The following OPA3 variants were observed in gnomAD, a reference collection of about 807,000 sequenced individuals.
OPA3 encodes optic atrophy 3 protein.
Under a neutral mutation model 4.0 loss-of-function variants are expected in OPA3, and 6 were observed. The ratio of observed to expected loss-of-function variants is 1.51; its 90% confidence interval spans 0.83 to 2.99. The LOEUF (loss-of-function observed/expected upper bound fraction) is 2.99. OPA3 is among the 30% of genes most tolerant of loss of function. The pLI is 0.00. For synonymous variants in OPA3, 105 were observed against 117.1 expected, an observed-to-expected ratio of 0.90 and a Z score of 0.67; for missense variants, 235 against 256.2, an observed-to-expected ratio of 0.92 and a Z score of 0.56.
rs1055911296 is a variant in OPA3, at chr19:45,554,131, G to A, written c.143-220C>T. The stretch of plus-strand genomic sequence containing the variant: ...AAGAGGGACACCAGGAGCTTCCACA[G>A]CGCCAAGTTCATGGACGGTGTAAAG... On this transcript the variant is annotated intron_variant, in intron 1 of 1. Coordinates refer to ENST00000263275, the MANE Select transcript of OPA3 (RefSeq NM_025136.4). 7.9e-5 allele frequency among the ~76,000 whole-genome samples: 12 copies of A among 152,334 alleles called. 1 individual carries two copies. Among genetic ancestry groups the A allele is most frequent in the South Asian group, 6.2e-4 (3 of 4,826 alleles).
At chr19:45,554,844 G>A (rs1969396871) in intron 1 of OPA3, among the ~76,000 whole-genome samples, 1 of 152,222 alleles carries the variant, frequency 6.6e-6, no homozygotes, top group Admixed American at 6.5e-5. Flanking sequence ...AGGCTGGAGT[G>A]CAGTGGCACA....
At chr19:45,533,026 G>A (rs1342572157) in intron 1 of OPA3, among the ~76,000 whole-genome samples, 3 of 150,332 alleles carry the variant, frequency 2.0e-5, no homozygotes, top group Non-Finnish European at 4.4e-5. Flanking sequence ...CGAGTAGCTG[G>A]GATTACAGGC....
At chr19:45,541,810 C>T (rs562280868), downstream of OPA3, among the ~76,000 whole-genome samples, 1 of 152,290 alleles carries the variant, frequency 6.6e-6, no homozygotes, top group African/African-American at 2.4e-5. Flanking sequence ...AGCGATCCTC[C>T]CACCTTGGCC....
At chr19:45,581,797 T>TTTTG (rs1198071262) in intron 1 of OPA3, among the ~76,000 whole-genome samples, 2 of 151,872 alleles carry the variant, frequency 1.3e-5, no homozygotes, top group African/African-American at 4.8e-5. Flanking sequence ...CGGGAGGGTG[T>TTTTG]TTTGTTTGTT....
rs141966402 is a variant in OPA3 at position 45,565,205 on chromosome 19, G to C, written c.143-11294C>G. ...GCCGAGATGGTGCCACTGCACTCCA[G>C]CCTGGTGATAGAGCAAGACTCCGTC... is the stretch of plus-strand genomic sequence containing the variant. On this transcript the variant is annotated intron_variant, in intron 1 of 1. Coordinates refer to ENST00000263275, the MANE Select transcript of OPA3 (RefSeq NM_025136.4). 2.2e-3 allele frequency among the ~76,000 whole-genome samples: 338 copies of C among 151,230 alleles called. 2 individuals are homozygous for C. Among genetic ancestry groups the C allele is most frequent in the African/African-American group, 7.6e-3 (314 of 41,262 alleles).
rs951025429 is a variant in OPA3, at chr19:45,553,799, G to A, written c.255C>T (p.Gly85=). The stretch of plus-strand genomic sequence containing the variant: ...CGCCCACGATGAAGATGGTGGCTTC[G>A]CCCAGCAGCTCTGCGCCCAGCTCAG... ...AAAELGAELL[G]EATIFIVGGG... is the part of the protein sequence containing the mutation. The change falls in exon 2 of 2, where the codon GGC becomes GGT. Residue 85 remains glycine, a synonymous_variant. Coordinates refer to ENST00000263275, the MANE Select transcript of OPA3 (RefSeq NM_025136.4). 3.7e-6 allele frequency: 6 copies of A among 1,613,098 alleles called. No individual in the cohort carries two copies. Among genetic ancestry groups the A allele is most frequent in the Admixed American group, 3.3e-5 (2 of 59,962 alleles).
At chr19:45,579,581 A>C (rs1013868092) in intron 1 of OPA3, among the ~76,000 whole-genome samples, 15 of 152,130 alleles carry the variant, frequency 9.9e-5, no homozygotes, top group African/African-American at 3.6e-4. Flanking sequence ...CCTGAGGGCA[A>C]GATGTTTTGC....
Position 45,529,344 on chromosome 19 carries a change from G to GT in OPA3, c.254_255insA (p.Glu86ArgfsTer147). 6.2e-7 allele frequency: 1 copy of GT among 1,614,152 alleles called. No homozygotes were observed. On this transcript the variant is annotated frameshift_variant, in exon 2 of 2. Coordinates refer to the OPA3 transcript ENST00000323060. LOFTEE classifies it low-confidence loss of function (END_TRUNC). ...AGGCGGTGATGAAGATGATGCCCTCGCCCAGCAGCTCCGCGCCCAGCTCGG... is the reference window on the plus strand; with the variant it reads ...AGGCGGTGATGAAGATGATGCCCTCGTCCCAGCAGCTCCGCGCCCAGCTCGG...
intron 1 of OPA3, among the ~76,000 whole-genome samples, chr19:45,537,660 T>G (rs887625310): frequency 1.3e-5 from 2 of 151,446 alleles, no homozygotes; most frequent in Non-Finnish European, 2.9e-5. Context: ...GAGATGGAGT[T>G]TCGCTCTTGT....
downstream of OPA3, among the ~76,000 whole-genome samples, chr19:45,542,104 C>T (rs879546001): frequency 1.3e-5 from 2 of 152,086 alleles, no homozygotes; most frequent in Non-Finnish European, 2.9e-5. Context: ...GTCAGGGCAC[C>T]GAGTTCTAGG....
intron 1 of OPA3, among the ~76,000 whole-genome samples, chr19:45,578,037 A>G (rs1969794087): frequency 6.6e-6 from 1 of 152,216 alleles, no homozygotes; most frequent in Admixed American, 6.5e-5. Context: ...TGACACAGCA[A>G]AAGAGATCTA....
At position 45,549,559 on chromosome 19, in the gene OPA3, C is replaced by T; in HGVS notation, c.*3955G>A. 1 of 890,978 alleles carries T rather than the reference C, an allele frequency of 1.1e-6. No homozygotes were observed. The highest frequency in any genetic ancestry group is 1.3e-6 in the Non-Finnish European group (1 of 743,932). The allele number at this position is 890,978 out of a possible 1,614,324, so 55.2% of individuals were successfully genotyped here. A position where few individuals can be genotyped will look rare whatever the true frequency, so the allele number is the denominator to read the frequency against. On this transcript the variant is annotated 3_prime_UTR_variant, in exon 2 of 2. Transcript: ENST00000263275. ...GCAGTGGCGCGATCTCAGCTCACTG[C>T]AACCTCCACCTCCTGGGTTCAAGCA...
intron 1 of OPA3, among the ~76,000 whole-genome samples, chr19:45,534,983 T>C (rs1969100798): frequency 6.6e-6 from 1 of 152,190 alleles, no homozygotes; most frequent in African/African-American, 2.4e-5. Context: ...AGCTATTCAA[T>C]GAGTTACTCA....
Position 45,553,301 on chromosome 19 carries a change from T to C in OPA3, c.*213A>G. ...CTGGTTTGGAGTGGGGGATAGGAGG[T>C]GAAGGATGATGGAGGGGGCTATGTT... On this transcript the variant is annotated 3_prime_UTR_variant, in exon 2 of 2. Coordinates refer to ENST00000263275, the MANE Select transcript of OPA3 (RefSeq NM_025136.4). 1 of 1,441,030 alleles carries C rather than the reference T, an allele frequency of 6.9e-7. No homozygotes were observed. The highest frequency in any genetic ancestry group is 2.6e-4 in the Middle Eastern group (1 of 3,916). The allele number at this position is 1,441,030 out of a possible 1,614,324, so 89.3% of individuals were successfully genotyped here.
intron 1 of OPA3, among the ~76,000 whole-genome samples, chr19:45,555,494 A>T (rs1297742046): frequency 7.0e-6 from 1 of 142,878 alleles, no homozygotes; most frequent in Non-Finnish European, 1.5e-5. Flanking sequence ...CCTGGCTAAT[A>T]TTTTTTTTTT....
chr19:45,578,603 A>C (rs1359784305), intron 1 of OPA3, among the ~76,000 whole-genome samples: 1 of 151,936 alleles, frequency 6.6e-6, no homozygotes, highest in Non-Finnish European at 1.5e-5. Flanking sequence ...CAAGGCGGGC[A>C]GATCTCCTGA....
Position 45,551,583 on chromosome 19 carries a change from T to G in OPA3, c.*1931A>C. ...AGGGAGCGTGTCCCTGTCAGCACCT[T>G]GGTTTCAGACTTCTGGACTCCAGAA... On this transcript the variant is annotated 3_prime_UTR_variant, in exon 2 of 2. Transcript: ENST00000263275. 2.2e-6 allele frequency: 1 copy of G among 445,114 alleles called. No individual in the cohort carries two copies. The highest frequency in any genetic ancestry group is 3.0e-6 in the Non-Finnish European group (1 of 336,268). The allele number at this position is 445,114 out of a possible 1,614,324, so 27.6% of individuals were successfully genotyped here. A position where few individuals can be genotyped will look rare whatever the true frequency, so the allele number is the denominator to read the frequency against.
intron 1 of OPA3, among the ~76,000 whole-genome samples, chr19:45,579,768 C>T (rs1306081395): frequency 6.6e-6 from 1 of 151,970 alleles, no homozygotes; most frequent in Non-Finnish European, 1.5e-5. Context: ...ATAATAGTAT[C>T]TACCTCATCA....
chr19:45,570,353 T>A (rs1235953874), intron 1 of OPA3, among the ~76,000 whole-genome samples: 1 of 152,112 alleles, frequency 6.6e-6, no homozygotes, highest in East Asian at 1.9e-4. Context: ...TGTGCCTTAG[T>A]TAGGTCTTTG....
Sources: gnomAD v4.1 joint callset for allele counts (sites outside exome capture counted in the v4.1 genomes callset) on GRCh38, gnomAD v4.1.1 for gene constraint, MANE v1.5 for transcripts, NCBI Gene and HGNC (gene_info 2026-07-23, HGNC 2026-07-21) for gene names.